RYK: variants seen among roughly 807,000 people sequenced by gnomAD.
RYK encodes receptor like tyrosine kinase.
Under a neutral mutation model 70.2 loss-of-function variants are expected in RYK, and 21 were observed. The ratio of observed to expected loss-of-function variants is 0.30; its 90% CI spans 0.21 to 0.43. The LOEUF (loss-of-function observed/expected upper bound fraction) is 0.43, where lower values mean the gene tolerates loss of function less well. Among genes scored for constraint, RYK ranks in the 20% least tolerant of loss-of-function variants. The probability of loss-of-function intolerance (pLI) is 1.00; values close to 1 mark genes in which losing one functional copy is unlikely to be tolerated. For synonymous variants in RYK, 267 were observed against 278.0 expected (o/e 0.96, Z 0.39); for missense variants, 604 against 753.3 (o/e 0.80, Z 2.32).
chr3:134,249,916 C>CTTTTTTTTTTTTTTTTT (rs1559770716), intron 1 of RYK, among the ~76,000 whole-genome samples: 1 of 86,596 alleles, frequency 1.2e-5, no homozygotes, highest in African/African-American at 8.1e-5. Context: ...CTTTCTCTCT[C>CTTTTTTTTTTTTTTTTT]GTTTTTTTTT....
At chr3:134,216,612 G>A (rs2014558950) in intron 2 of RYK, among the ~76,000 whole-genome samples, 1 of 151,776 alleles carries the variant, frequency 6.6e-6, no homozygotes, top group South Asian at 2.1e-4. Flanking sequence ...CTAACACAGT[G>A]AAACCCTGTC....
rs1468112817 is a variant in RYK at position 134,250,154 on chromosome 3, A to C, written c.232+269T>G. 2.6e-5 allele frequency among the ~76,000 whole-genome samples: 4 copies of C among 152,104 alleles called. No individual in the cohort carries two copies. The East Asian group carries it at 7.7e-4, about 29-fold the overall frequency. On this transcript the variant is annotated intron_variant, in intron 1 of 14. Transcript: ENST00000623711. The stretch of plus-strand genomic sequence containing the variant: ...TTCTAGGGAGAAGGGCTAAGGAGGC[A>C]GTGAGGAGGATGGGATGGGGTGAAT...
intron 9 of RYK, among the ~76,000 whole-genome samples, chr3:134,183,572 T>C (rs975454050): frequency 7.2e-5 from 11 of 152,174 alleles, no homozygotes; most frequent in Admixed American, 6.5e-4. Flanking sequence ...CTACCTACTA[T>C]TAAGAATTTG....
chr3:134,177,055 C>T (rs1430798430), intron 11 of RYK, among the ~76,000 whole-genome samples: 1 of 98,534 alleles, frequency 1.0e-5, no homozygotes, highest in African/African-American at 3.8e-5. Context: ...CAAAAAAAAA[C>T]ACAAAAAACA....
chr3:134,238,657 T>C (rs1386050308), intron 1 of RYK, among the ~76,000 whole-genome samples: 1 of 152,148 alleles, frequency 6.6e-6, no homozygotes, highest in Non-Finnish European at 1.5e-5. Flanking sequence ...AAACATGATA[T>C]GTCGTCAAAA....
chr3:134,158,302 G>A (rs1157944577), intron 14 of RYK, 38 bp from the exon 15 acceptor site: 4 of 1,350,676 alleles, frequency 3.0e-6, no homozygotes, highest in Non-Finnish European at 4.1e-6. Context: ...GGCTAGTAAG[G>A]ATACAGTATT....
chr3:134,189,740 C>CAAAAAAAAAAA (rs57016937), intron 8 of RYK, among the ~76,000 whole-genome samples: 23 of 92,616 alleles, frequency 2.5e-4, no homozygotes, highest in African/African-American at 7.7e-4. Flanking sequence ...GAGACTCCGC[C>CAAAAAAAAAAA]AAAAAAAAAA....
chr3:134,168,225 G>A (rs1461573913), intron 13 of RYK, among the ~76,000 whole-genome samples: 2 of 152,162 alleles, frequency 1.3e-5, no homozygotes, highest in Non-Finnish European at 2.9e-5. Context: ...ATTCCTCAAG[G>A]ATCTAGAACT....
chr3:134,203,648 A>G (rs2014100610), intron 5 of RYK, among the ~76,000 whole-genome samples: 1 of 152,232 alleles, frequency 6.6e-6, no homozygotes, highest in Non-Finnish European at 1.5e-5. Flanking sequence ...AAAAAAAGAA[A>G]GAAAAAAGAT....
chr3:134,237,046 T>C (rs116421543), intron 1 of RYK, among the ~76,000 whole-genome samples: 1,901 of 152,234 alleles, frequency 0.012, 51 homozygotes, highest in African/African-American at 0.044. Flanking sequence ...TTTAAACAAC[T>C]CAAATTCAAA....
intron 6 of RYK, among the ~76,000 whole-genome samples, chr3:134,201,883 GAAGT>G (rs2014036342): frequency 6.6e-6 from 1 of 152,128 alleles, no homozygotes; most frequent in South Asian, 2.1e-4. Context: ...ACAGAGGAGG[GAAGT>G]AAGAAGTGTT....
intron 2 of RYK, among the ~76,000 whole-genome samples, chr3:134,213,282 C>T (rs1200586757): frequency 6.6e-6 from 1 of 152,178 alleles, no homozygotes; most frequent in Non-Finnish European, 1.5e-5. Flanking sequence ...GACCATGTGA[C>T]TCTTAGGTAA....
At chr3:134,158,763 A>C (rs1010831598) in intron 14 of RYK, among the ~76,000 whole-genome samples, 16 of 151,882 alleles carry the variant, frequency 1.1e-4, no homozygotes, top group Non-Finnish European at 1.5e-4. Flanking sequence ...TTACATGGCA[A>C]GATAAGCTAT....
intron 1 of RYK, among the ~76,000 whole-genome samples, chr3:134,236,638 T>C (rs1333799809): frequency 1.3e-5 from 2 of 152,224 alleles, no homozygotes; most frequent in South Asian, 4.1e-4. Flanking sequence ...AAAAAGAACA[T>C]AGTTGGAGGA....
In RYK at chr3:134,178,175, A is replaced by G. The variant is rs1424901790; in HGVS notation, c.1173-102T>C. Reference sequence around the variant, plus strand: ...TAAAACAAAACAAAATCCCCAAAATACTTAAAAACATGATTACCATTAAAA... The same window carrying G: ...TAAAACAAAACAAAATCCCCAAAATGCTTAAAAACATGATTACCATTAAAA... On this transcript the variant is annotated intron_variant, in intron 10 of 14. Transcript: ENST00000623711. 3 of 816,844 alleles carry G rather than the reference A, an allele frequency of 3.7e-6. No individual in the cohort carries two copies. In the African/African-American group the frequency reaches 5.4e-5, roughly 15 times the overall value. 50.6% of individuals were successfully genotyped at this position (816,844 alleles called of 1,614,324 possible). A position where few individuals can be genotyped will look rare whatever the true frequency, so the allele number is the denominator to read the frequency against.
intron 10 of RYK, 118 bp from the exon 11 acceptor site, chr3:134,178,191 A>T (rs2013172237): frequency 2.7e-6 from 2 of 732,504 alleles, no homozygotes. Flanking sequence ...AAACATGATT[A>T]CCATTAAAAA....
At chr3:134,172,180 T>C (rs936028082) in intron 13 of RYK, among the ~76,000 whole-genome samples, 2 of 152,066 alleles carry the variant, frequency 1.3e-5, no homozygotes, top group African/African-American at 4.8e-5. Context: ...AAAATTAACA[T>C]CCCAAAGAGA....
intron 10 of RYK, among the ~76,000 whole-genome samples, chr3:134,182,443 T>C (rs2013327285): frequency 6.6e-6 from 1 of 152,176 alleles, no homozygotes; most frequent in Non-Finnish European, 1.5e-5. Context: ...ATGCTGGACA[T>C]GCACTAAAAG....
At chr3:134,191,802 G>C (rs769297012) in intron 8 of RYK, 47 bp downstream of exon 8, 15 of 1,500,684 alleles carry the variant, frequency 1.0e-5, no homozygotes, top group Non-Finnish European at 1.4e-5. Flanking sequence ...GTCTATAGTG[G>C]TAACATTAAA....
Sources: gnomAD v4.1 joint callset for allele counts (sites outside exome capture counted in the v4.1 genomes callset) on GRCh38, gnomAD v4.1.1 for gene constraint, MANE v1.5 for transcripts, NCBI Gene and HGNC (gene_info 2026-07-23, HGNC 2026-07-21) for gene names.